GRIN2A: variants seen among roughly 807,000 people sequenced by gnomAD.
GRIN2A encodes glutamate receptor ionotropic, NMDA 2A.
In GRIN2A, 22 loss-of-function variants were observed where a neutral mutation model predicts 113.4. The ratio of observed to expected loss-of-function variants is 0.19; its 90% confidence interval spans 0.14 to 0.28. The LOEUF is 0.28. Among genes scored for constraint, GRIN2A ranks in the 10% least tolerant of loss-of-function variants. The pLI is 1.00. For synonymous variants in GRIN2A, 827 were observed against 738.4 expected (o/e 1.12, Z -1.94); for missense variants, 1,502 against 1,887.0 (o/e 0.80, Z 3.78).
intron 2 of GRIN2A, among the ~76,000 whole-genome samples, chr16:9,983,432 G>C (rs1051955534): frequency 1.0e-4 from 15 of 149,928 alleles, no homozygotes; most frequent in African/African-American, 3.7e-4. Flanking sequence ...ACAAGATGTT[G>C]TTATTTATTC....
chr16:9,834,507 G>A (rs1461493906), intron 7 of GRIN2A, among the ~76,000 whole-genome samples: 1 of 152,010 alleles, frequency 6.6e-6, no homozygotes, highest in East Asian at 1.9e-4. Context: ...TCAGCCTTCC[G>A]AGTAGCTGGG....
At chr16:9,967,614 T>A (rs1398343297) in intron 2 of GRIN2A, among the ~76,000 whole-genome samples, 3 of 152,016 alleles carry the variant, frequency 2.0e-5, no homozygotes, top group Non-Finnish European at 4.4e-5. Flanking sequence ...GCTGAGGCAG[T>A]AGAATCGCTT....
At chr16:9,801,211 G>A (rs922207034) in intron 10 of GRIN2A, among the ~76,000 whole-genome samples, 6 of 152,214 alleles carry the variant, frequency 3.9e-5, no homozygotes, top group Non-Finnish European at 5.9e-5. Context: ...GGCCGTGGAA[G>A]GTGTTGGTCT....
At chr16:9,908,789 C>T (rs574351403) in intron 3 of GRIN2A, among the ~76,000 whole-genome samples, 3 of 152,180 alleles carry the variant, frequency 2.0e-5, no homozygotes, top group Non-Finnish European at 2.9e-5. Context: ...AGATGGATTG[C>T]GTCCAGAGCT....
chr16:10,029,322 G>C (rs1262337170), intron 2 of GRIN2A, among the ~76,000 whole-genome samples: 1 of 152,028 alleles, frequency 6.6e-6, no homozygotes, highest in Admixed American at 6.6e-5. Context: ...AGCCTCCCAA[G>C]TAGCTGGAAT....
At chr16:9,778,789 TC>T (rs1453430397) in intron 11 of GRIN2A, among the ~76,000 whole-genome samples, 2 of 152,214 alleles carry the variant, frequency 1.3e-5, no homozygotes, top group Non-Finnish European at 2.9e-5. Flanking sequence ...CCCTTGCAGC[TC>T]TTGTCTGACC....
intron 11 of GRIN2A, among the ~76,000 whole-genome samples, chr16:9,789,096 T>G (rs1466364194): frequency 6.6e-6 from 1 of 152,202 alleles, no homozygotes; most frequent in East Asian, 1.9e-4. Context: ...CCATCAAACT[T>G]GTTCTGTAAA....
intron 2 of GRIN2A, among the ~76,000 whole-genome samples, chr16:10,132,545 T>G (rs919202451): frequency 6.6e-6 from 1 of 152,160 alleles, no homozygotes. Context: ...TAACTCCTCA[T>G]GTCCCTTGAC....
At chr16:10,119,992 G>T (rs532119452) in intron 2 of GRIN2A, among the ~76,000 whole-genome samples, 1 of 152,102 alleles carries the variant, frequency 6.6e-6, no homozygotes, top group Non-Finnish European at 1.5e-5. Context: ...ATTGATGGGC[G>T]TTTAGGTGGA....
At chr16:10,023,382 G>T (rs573767321) in intron 2 of GRIN2A, among the ~76,000 whole-genome samples, 66 of 152,244 alleles carry the variant, frequency 4.3e-4, no homozygotes, top group African/African-American at 1.5e-3. Flanking sequence ...GTACATTCAG[G>T]TGTGGTTTTT....
chr16:10,171,116 G>C (rs1233432049), intron 2 of GRIN2A, among the ~76,000 whole-genome samples: 1 of 152,108 alleles, frequency 6.6e-6, no homozygotes, highest in Admixed American at 6.5e-5. Flanking sequence ...TCTTGCATCT[G>C]AGCCCCTTCC....
chr16:9,993,644 A>G (rs2046169622), intron 2 of GRIN2A, among the ~76,000 whole-genome samples: 1 of 152,166 alleles, frequency 6.6e-6, no homozygotes, highest in Non-Finnish European at 1.5e-5. Context: ...CTCCTGTGCA[A>G]TGGGCATGCT....
intron 2 of GRIN2A, among the ~76,000 whole-genome samples, chr16:9,968,942 T>C (rs1596373029): frequency 6.6e-6 from 1 of 152,190 alleles, no homozygotes; most frequent in East Asian, 1.9e-4. Flanking sequence ...AAAGAAAAAG[T>C]TGAAATTAAT....
At chr16:9,785,088 G>A (rs1207389312) in intron 11 of GRIN2A, among the ~76,000 whole-genome samples, 2 of 152,030 alleles carry the variant, frequency 1.3e-5, no homozygotes, top group Non-Finnish European at 2.9e-5. Context: ...CCCATTACTG[G>A]GTATATACCC....
rs578136964 is a variant in GRIN2A, at chr16:9,990,684, G to C, written c.415-52133C>G. On this transcript the variant is annotated intron_variant, in intron 2 of 12. Coordinates refer to ENST00000330684, the MANE Select transcript of GRIN2A (RefSeq NM_001134407.3). Reference sequence around the variant, plus strand: ...ACATTGGCATTTTTTTTTTTCACCTGTCTCCTTCTCAAAAGGTCAAGAGCA... The same window carrying C: ...ACATTGGCATTTTTTTTTTTCACCTCTCTCCTTCTCAAAAGGTCAAGAGCA... 3.5e-4 allele frequency among the ~76,000 whole-genome samples: 52 copies of C among 149,686 alleles called. No homozygotes were observed. The South Asian group carries it at 0.011, about 31-fold the overall frequency.
chr16:10,077,180 G>A (rs915900627), intron 2 of GRIN2A, among the ~76,000 whole-genome samples: 2 of 152,176 alleles, frequency 1.3e-5, no homozygotes, highest in Non-Finnish European at 2.9e-5. Flanking sequence ...GCAGCCTCCA[G>A]AAAGAACACA....
intron 11 of GRIN2A, among the ~76,000 whole-genome samples, chr16:9,786,600 C>T (rs1902244919): frequency 6.6e-6 from 1 of 152,094 alleles, no homozygotes. Context: ...CAGCCTTGCC[C>T]CTTTCCAGAT....
chr16:9,951,986 C>G (rs1251756798), intron 2 of GRIN2A, among the ~76,000 whole-genome samples: 1 of 152,152 alleles, frequency 6.6e-6, no homozygotes. Flanking sequence ...CAGTGACCTC[C>G]CAGCCCCCAA....
At position 9,763,433 on chromosome 16, in the gene GRIN2A, G is replaced by A. The variant is rs2141126534; in HGVS notation, c.4111C>T (p.His1371Tyr). 1 of 1,614,040 alleles carries A rather than the reference G, an allele frequency of 6.2e-7. No individual in the cohort carries two copies. ...HTSDNPFLHS[H>Y]RDDQRLVIGR... ...ATAACCAAGCGTTGGTCATCCCTGT[G>A]GGAGTGGAGGAAAGGGTTATCGGAG... is the stretch of plus-strand genomic sequence containing the variant. The change falls in exon 13 of 13, where the codon CAC becomes TAC. Residue 1371 changes from histidine to tyrosine, a missense_variant. Around this residue, in one of 7 missense-constraint regions of GRIN2A, gnomAD observed 832 missense variants for 789.7 expected, o/e 1.05. Coordinates refer to ENST00000330684, the MANE Select transcript of GRIN2A (RefSeq NM_001134407.3).
Sources: allele counts gnomAD v4.1 joint callset (sites outside exome capture counted in the v4.1 genomes callset), GRCh38; gene constraint gnomAD v4.1.1; regional missense constraint gnomAD v4.1.1; transcripts MANE v1.5; gene names NCBI Gene and HGNC (gene_info 2026-07-23, HGNC 2026-07-21).